Variants in PRKAG2 observed in about 807,000 individuals in gnomAD.
The protein encoded by PRKAG2 is 5'-AMP-activated protein kinase subunit gamma-2.
In PRKAG2, 26 loss-of-function variants were observed where a neutral mutation model predicts 69.6. The observed-to-expected ratio is 0.37, with a 90% CI of 0.27 to 0.52. PRKAG2 has a LOEUF of 0.52. Ranked by LOEUF, PRKAG2 falls within the 20% of genes least tolerant of loss-of-function variation. The pLI is 0.90. For synonymous variants in PRKAG2, 293 were observed against 285.0 expected (o/e 1.03, Z -0.28); for missense variants, 557 against 740.0 (o/e 0.75, Z 2.87).
chr7:151,558,714 C>T, intron 15 of PRKAG2: 4 of 985,408 alleles, frequency 4.1e-6, no homozygotes, highest in Non-Finnish European at 4.8e-6. Context: ...CCAGCTACCC[C>T]CATCTTCACG....
intron 3 of PRKAG2, among the ~76,000 whole-genome samples, chr7:151,758,584 C>T (rs921250707): frequency 1.3e-5 from 2 of 152,148 alleles, no homozygotes; most frequent in African/African-American, 4.8e-5. Flanking sequence ...GATCCAAGGT[C>T]CCCAGAGACA....
chr7:151,637,707 GTT>G (rs78930256), intron 4 of PRKAG2, among the ~76,000 whole-genome samples: 5 of 141,806 alleles, frequency 3.5e-5, no homozygotes, highest in East Asian at 2.0e-4. Context: ...AAGTCATGAG[GTT>G]TTTTTTTTTT....
At chr7:151,875,783 G>T (rs2080382242) in intron 1 of PRKAG2, among the ~76,000 whole-genome samples, 1 of 152,076 alleles carries the variant, frequency 6.6e-6, no homozygotes, top group Non-Finnish European at 1.5e-5. Context: ...GCTGGACAAA[G>T]TGAAGCCGCA....
chr7:151,831,214 A>C (rs2079019417), intron 1 of PRKAG2, among the ~76,000 whole-genome samples: 1 of 152,182 alleles, frequency 6.6e-6, no homozygotes, highest in African/African-American at 2.4e-5. Flanking sequence ...TCACAATATG[A>C]CCCAGCAACT....
intron 4 of PRKAG2, among the ~76,000 whole-genome samples, chr7:151,666,367 T>C (rs186155719): frequency 6.5e-4 from 99 of 152,320 alleles, no homozygotes; most frequent in African/African-American, 2.2e-3. Flanking sequence ...GTGATGCCTC[T>C]GTAAGCCAAG....
chr7:151,629,971 C>T (rs1313755292), intron 5 of PRKAG2, among the ~76,000 whole-genome samples: 1 of 152,144 alleles, frequency 6.6e-6, no homozygotes, highest in Non-Finnish European at 1.5e-5. Context: ...ATTTAAAGTT[C>T]AAAAGAAACA....
At chr7:151,785,161 C>T (rs73728293) in intron 2 of PRKAG2, among the ~76,000 whole-genome samples, 15,973 of 152,320 alleles carry the variant, frequency 0.1, 1,790 homozygotes, top group African/African-American at 0.28. Flanking sequence ...CAGCCGTCTG[C>T]GGAGCAGAGC....
intron 1 of PRKAG2, among the ~76,000 whole-genome samples, chr7:151,796,473 A>G (rs2077542317): frequency 6.6e-6 from 1 of 152,198 alleles, no homozygotes; most frequent in South Asian, 2.1e-4. Flanking sequence ...CAGGTTTAGA[A>G]AAGCACCACG....
At chr7:151,571,229 G>A (rs973126328) in intron 9 of PRKAG2, among the ~76,000 whole-genome samples, 9 of 151,350 alleles carry the variant, frequency 5.9e-5, no homozygotes, top group Non-Finnish European at 1.2e-4. Flanking sequence ...GCACCACCAC[G>A]CCTGGCTACT....
intron 15 of PRKAG2, chr7:151,560,322 A>C (rs1327371497): frequency 4.7e-6 from 7 of 1,487,008 alleles, no homozygotes; most frequent in Non-Finnish European, 6.3e-6. Flanking sequence ...TTAACTTCGA[A>C]TACGTTCTAT....
chr7:151,558,984 C>T (rs1230750247), intron 15 of PRKAG2: 15 of 985,322 alleles, frequency 1.5e-5, no homozygotes, highest in Admixed American at 6.1e-5. Flanking sequence ...CAGCCTGACC[C>T]GCTGGGCAGA....
chr7:151,569,004 C>T (rs1312665937), intron 10 of PRKAG2, among the ~76,000 whole-genome samples, 162 bp from the exon 11 acceptor site: 1 of 152,162 alleles, frequency 6.6e-6, no homozygotes, highest in Non-Finnish European at 1.5e-5. Flanking sequence ...TTTCATTTTT[C>T]ACAATCTATG....
intron 3 of PRKAG2, among the ~76,000 whole-genome samples, chr7:151,694,159 C>A (rs942432919): frequency 2.0e-5 from 3 of 152,260 alleles, no homozygotes; most frequent in Non-Finnish European, 2.9e-5. Flanking sequence ...CAGGCGTGAG[C>A]CACAGTGCCC....
chr7:151,776,053 C>T (rs1164358024), intron 3 of PRKAG2, among the ~76,000 whole-genome samples: 2 of 152,216 alleles, frequency 1.3e-5, no homozygotes, highest in Admixed American at 1.3e-4. Flanking sequence ...TCAAGTAACA[C>T]CACAGCACAG....
intron 1 of PRKAG2, among the ~76,000 whole-genome samples, chr7:151,792,429 G>C (rs916605329): frequency 6.6e-6 from 1 of 152,144 alleles, no homozygotes; most frequent in African/African-American, 2.4e-5. Context: ...TTTCCCCATA[G>C]GATAATAGAC....
At chr7:151,860,502 G>A (rs2079892088) in intron 1 of PRKAG2, among the ~76,000 whole-genome samples, 1 of 152,086 alleles carries the variant, frequency 6.6e-6, no homozygotes, top group Non-Finnish European at 1.5e-5. Flanking sequence ...AAGGGGGTGT[G>A]GGTTTCATCT....
chr7:151,662,211 G>A (rs1293522003), intron 4 of PRKAG2, among the ~76,000 whole-genome samples: 2 of 152,190 alleles, frequency 1.3e-5, no homozygotes, highest in East Asian at 1.9e-4. Context: ...TGGACAAAGA[G>A]AATCATTTTC....
chr7:151,637,585 G>C (rs1027243616), intron 4 of PRKAG2, among the ~76,000 whole-genome samples: 1 of 151,974 alleles, frequency 6.6e-6, no homozygotes, highest in Non-Finnish European at 1.5e-5. Flanking sequence ...AAATAAAAAT[G>C]TTTTTATGTA....
intron 3 of PRKAG2, among the ~76,000 whole-genome samples, chr7:151,778,682 T>C (rs1221267339): frequency 6.6e-6 from 1 of 152,184 alleles, no homozygotes; most frequent in South Asian, 2.1e-4. Context: ...ACCCGCAACT[T>C]CTGTTCCACA....
Sources: allele counts gnomAD v4.1 joint callset (sites outside exome capture counted in the v4.1 genomes callset), GRCh38; gene constraint gnomAD v4.1.1; transcripts MANE v1.5; gene names NCBI Gene and HGNC (gene_info 2026-07-23, HGNC 2026-07-21).